Variants in PSD3 observed in about 807,000 individuals in gnomAD.
The protein encoded by PSD3 is pleckstrin and Sec7 domain containing 3, also known as PH and SEC7 domain-containing protein 3.
A neutral mutation model predicts 105.5 loss-of-function variants in PSD3; 49 were observed. The observed-to-expected ratio is 0.46, with a 90% CI of 0.37 to 0.59. The LOEUF (loss-of-function observed/expected upper bound fraction) is 0.59, where lower values mean the gene tolerates loss of function less well. Among genes scored for constraint, PSD3 ranks in the 20% least tolerant of loss-of-function variants. PSD3 has a pLI of 0.00. For missense variants in PSD3, 1,561 were observed against 1,263.8 expected, an observed-to-expected ratio of 1.24 and a Z score of -3.57; for synonymous variants, 557 against 457.8, an observed-to-expected ratio of 1.22 and a Z score of -2.77.
At chr8:18,691,211 G>A (rs181571181) in intron 9 of PSD3, among the ~76,000 whole-genome samples, 9 of 152,242 alleles carry the variant, frequency 5.9e-5, no homozygotes, top group East Asian at 3.9e-4. Context: ...GGGAACACCC[G>A]TATAAGTTAA....
chr8:18,547,517 GGTGCCCCATCACCCTCACTATGC>G (rs1800518851), intron 15 of PSD3, among the ~76,000 whole-genome samples: 1 of 152,040 alleles, frequency 6.6e-6, no homozygotes, highest in African/African-American at 2.4e-5. Flanking sequence ...GCAGAGGCAG[GGTGCCCCATCACCCTCACTATGC>G]TGCCTTCCTG....
intron 11 of PSD3, among the ~76,000 whole-genome samples, chr8:18,628,917 G>A (rs1378682577): frequency 1.3e-5 from 2 of 151,904 alleles, no homozygotes; most frequent in Non-Finnish European, 2.9e-5. Flanking sequence ...GAAACCAACA[G>A]TAAGACGGCA....
chr8:18,623,454 A>C (rs944101506), intron 11 of PSD3, among the ~76,000 whole-genome samples: 7 of 148,896 alleles, frequency 4.7e-5, no homozygotes, highest in African/African-American at 7.4e-5. Flanking sequence ...TCCCCAAAAA[A>C]AAAAAAAAAA....
At chr8:18,702,916 A>G (rs1451896112) in intron 9 of PSD3, among the ~76,000 whole-genome samples, 2 of 152,054 alleles carry the variant, frequency 1.3e-5, no homozygotes, top group African/African-American at 2.4e-5. Context: ...TTGGACAGCT[A>G]TAGGTACTCT....
intron 11 of PSD3, among the ~76,000 whole-genome samples, chr8:18,614,836 A>G (rs991916217): frequency 1.9e-4 from 29 of 151,510 alleles, no homozygotes; most frequent in African/African-American, 4.8e-4. Context: ...GGGTCTTGCA[A>G]TGTTGCCCCG....
intron 4 of PSD3, among the ~76,000 whole-genome samples, chr8:18,814,205 C>T (rs1281164313): frequency 2.6e-5 from 4 of 152,188 alleles, no homozygotes; most frequent in African/African-American, 9.6e-5. Flanking sequence ...CAGTCTTCAC[C>T]AATAAAAAAT....
At chr8:18,720,880 T>A (rs1043122014) in intron 9 of PSD3, 20 of 152,080 alleles carry the variant, frequency 1.3e-4, no homozygotes, top group African/African-American at 4.8e-4. Context: ...AAGGTTTTAT[T>A]TTTTCCTATT....
chr8:18,853,509 A>G (rs560510564), intron 4 of PSD3, among the ~76,000 whole-genome samples: 476 of 152,262 alleles, frequency 3.1e-3, no homozygotes, highest in African/African-American at 0.011. Context: ...CCAGAAAGAA[A>G]CCGTGAGGCT....
intron 11 of PSD3, among the ~76,000 whole-genome samples, chr8:18,612,575 T>C (rs1395840796): frequency 6.6e-6 from 1 of 152,154 alleles, no homozygotes; most frequent in Non-Finnish European, 1.5e-5. Flanking sequence ...TTTCACTATG[T>C]TGGCCAGGAT....
At chr8:18,570,738 G>A (rs572564241) in intron 14 of PSD3, among the ~76,000 whole-genome samples, 3 of 151,766 alleles carry the variant, frequency 2.0e-5, no homozygotes, top group East Asian at 3.9e-4. Flanking sequence ...ATCATCACTG[G>A]CCATCAGAGA....
At chr8:18,582,420 C>T (rs555186470) in intron 12 of PSD3, among the ~76,000 whole-genome samples, 83 of 152,276 alleles carry the variant, frequency 5.5e-4, no homozygotes, top group African/African-American at 1.9e-3. Context: ...TTCTTCCTAG[C>T]TGTCTGGCCA....
intron 1 of PSD3, among the ~76,000 whole-genome samples, chr8:19,013,011 TA>T (rs555191140): frequency 2.3e-4 from 34 of 150,730 alleles, no homozygotes; most frequent in Non-Finnish European, 4.3e-4. Context: ...TTAATGTGTT[TA>T]AAAAAAAAAT....
chr8:18,953,356 A>C (rs1255003227), intron 1 of PSD3, among the ~76,000 whole-genome samples: 1 of 152,170 alleles, frequency 6.6e-6, no homozygotes, highest in Non-Finnish European at 1.5e-5. Context: ...ATGGTTTACA[A>C]ACATTTGAAC....
intron 1 of PSD3, among the ~76,000 whole-genome samples, chr8:19,082,025 G>C (rs1457125270): frequency 6.6e-6 from 1 of 152,184 alleles, no homozygotes; most frequent in African/African-American, 2.4e-5. Context: ...TCAGCTTTTT[G>C]ATACTTTGCG....
chr8:18,896,050 G>A (rs1440265127), intron 2 of PSD3, among the ~76,000 whole-genome samples: 1 of 152,130 alleles, frequency 6.6e-6, no homozygotes, highest in African/African-American at 2.4e-5. Context: ...CCACATATGG[G>A]TGAGAACATG....
chr8:18,867,983 C>G lies in PSD3; in HGVS notation c.1325G>C (p.Ser442Thr), dbSNP rs1475730871. Residue 442 changes from serine to threonine, a missense_variant, in exon 4 of 16, where the codon AGC becomes ACC. Transcript: ENST00000327040. ...GYTEDSTDVY[S>T]SQFETILDNT... ...GTCCAAAATGGTTTCAAACTGGGAG[C>G]TGTACACGTCGGTGGAGTCCTCCGT... is the stretch of plus-strand genomic sequence containing the variant. 3 of 1,614,170 alleles carry G rather than the reference C, an allele frequency of 1.9e-6. No individual in the cohort carries two copies. The highest frequency in any genetic ancestry group is 2.5e-6 in the Non-Finnish European group (3 of 1,180,014).
intron 1 of PSD3, among the ~76,000 whole-genome samples, chr8:19,005,729 TC>T (rs765616989): frequency 5.3e-5 from 8 of 151,932 alleles, no homozygotes; most frequent in Non-Finnish European, 1.2e-4. Flanking sequence ...GCTCAAGAGA[TC>T]CTCCTACCTT....
intron 15 of PSD3, among the ~76,000 whole-genome samples, chr8:18,548,298 T>C (rs1800567874): frequency 6.6e-6 from 1 of 152,224 alleles, no homozygotes; most frequent in Admixed American, 6.5e-5. Context: ...CTGAATTCTT[T>C]TTCAGGCAAC....
chr8:18,875,494 G>A (rs1018922752), intron 2 of PSD3, among the ~76,000 whole-genome samples: 2 of 151,034 alleles, frequency 1.3e-5, no homozygotes, highest in African/African-American at 4.9e-5. Flanking sequence ...GGCATTTTTA[G>A]TATATTCACA....
Sources: gnomAD v4.1 joint callset for allele counts (sites outside exome capture counted in the v4.1 genomes callset) on GRCh38, gnomAD v4.1.1 for gene constraint, MANE v1.5 for transcripts, NCBI Gene and HGNC (gene_info 2026-07-23, HGNC 2026-07-21) for gene names.